PCDH11X: variants seen among roughly 807,000 people sequenced by gnomAD.
PCDH11X encodes protocadherin 11 X-linked, also known as protocadherin-11 X-linked.
Under a neutral mutation model 53.3 loss-of-function variants are expected in PCDH11X, and 18 were observed. The observed-to-expected ratio is 0.34, with a 90% CI of 0.23 to 0.50. PCDH11X has a LOEUF of 0.50. PCDH11X is among the 20% of genes least tolerant of loss of function. The pLI is 0.98. For synonymous variants in PCDH11X, 279 were observed against 393.3 expected, an observed-to-expected ratio of 0.71 and a Z score of 3.44; for missense variants, 570 against 1,032.4, an observed-to-expected ratio of 0.55 and a Z score of 6.14.
At chrX:92,010,002 G>A (rs2062664089) in intron 6 of PCDH11X, among the ~76,000 whole-genome samples, 1 of 110,676 alleles carries the variant, frequency 9.0e-6, no homozygotes, top group African/African-American at 3.3e-5. Context: ...ACCTCGCCTG[G>A]CCTGTTGCAT....
In PCDH11X at chrX:92,619,646, G is replaced by A. The variant is rs927463296; in HGVS notation, c.*706G>A. The A allele has an allele frequency of 9.1e-6, 1 of 109,502 alleles. No homozygotes were observed. The highest frequency in any genetic ancestry group is 3.3e-5 in the African/African-American group (1 of 29,862). 9.0% of individuals were successfully genotyped at this position (109,502 alleles called of 1,213,427 possible). On this transcript the variant is annotated 3_prime_UTR_variant, in exon 11 of 11. Transcript: ENST00000682573. The stretch of plus-strand genomic sequence containing the variant: ...ATTTCTCTACTCTTTAGTAGAGTTC[G>A]AGACACAGAAGTGCAATAACTGCCC...
intron 6 of PCDH11X, among the ~76,000 whole-genome samples, chrX:92,124,831 G>A (rs1344234347): frequency 9.0e-6 from 1 of 110,599 alleles, no homozygotes; most frequent in Non-Finnish European, 1.9e-5. Flanking sequence ...AGTCCAATTT[G>A]TGATCTCTGA....
At chrX:92,208,080 A>G (rs1337078277) in intron 7 of PCDH11X, among the ~76,000 whole-genome samples, 4 of 108,226 alleles carry the variant, frequency 3.7e-5, no homozygotes, top group Admixed American at 1.0e-4. Flanking sequence ...CTGCAATCCC[A>G]GCTACTCAGC....
chrX:92,255,893 C>G (rs1358130330), intron 7 of PCDH11X, among the ~76,000 whole-genome samples: 1 of 112,533 alleles, frequency 8.9e-6, no homozygotes. Context: ...TTTTGTTTGT[C>G]TATGCCCTGC....
At chrX:91,821,009 T>A (rs1471453361) in intron 4 of PCDH11X, among the ~76,000 whole-genome samples, 2 of 107,850 alleles carry the variant, frequency 1.9e-5, no homozygotes, top group Non-Finnish European at 3.8e-5. Context: ...TTCTGAGGGC[T>A]CTGTTCTGTT....
intron 10 of PCDH11X, among the ~76,000 whole-genome samples, chrX:92,588,692 G>T (rs78967503): frequency 0.02 from 2,186 of 109,432 alleles, 63 homozygotes; most frequent in African/African-American, 0.068. Flanking sequence ...CACATGTAAG[G>T]GGTATTGGCC....
At chrX:91,902,394 A>C (rs1459339350) in intron 6 of PCDH11X, among the ~76,000 whole-genome samples, 1 of 108,453 alleles carries the variant, frequency 9.2e-6, no homozygotes, top group Non-Finnish European at 1.9e-5. Flanking sequence ...CTCCTTTTGA[A>C]GTTCTATTTT....
intron 6 of PCDH11X, among the ~76,000 whole-genome samples, chrX:92,137,785 G>C (rs1603026388): frequency 9.2e-6 from 1 of 109,044 alleles, no homozygotes; most frequent in Non-Finnish European, 1.9e-5. Context: ...TCATATAAAT[G>C]AAATAATATA....
intron 6 of PCDH11X, among the ~76,000 whole-genome samples, chrX:92,021,319 A>G (rs1273823150): frequency 9.4e-6 from 1 of 106,194 alleles, no homozygotes; most frequent in Non-Finnish European, 1.9e-5. Context: ...TACAGAGAGA[A>G]ACATAAATGA....
intron 9 of PCDH11X, among the ~76,000 whole-genome samples, chrX:92,426,686 TATG>T (rs1176312242): frequency 9.1e-6 from 1 of 110,026 alleles, no homozygotes; most frequent in Non-Finnish European, 1.9e-5. Flanking sequence ...AATTTGAAAA[TATG>T]ATGAAATGGC....
At chrX:91,804,244 T>G (rs986357932) in intron 1 of PCDH11X, among the ~76,000 whole-genome samples, 9 of 111,808 alleles carry the variant, frequency 8.0e-5, no homozygotes, top group Non-Finnish European at 1.7e-4. Flanking sequence ...AATGGAAATT[T>G]TTTTTGGTCA....
At chrX:92,368,301 T>G (rs1366727622) in intron 8 of PCDH11X, among the ~76,000 whole-genome samples, 1 of 111,718 alleles carries the variant, frequency 9.0e-6, no homozygotes, top group Non-Finnish European at 1.9e-5. Context: ...TTGATACTTG[T>G]GTATGGTTCA....
chrX:92,284,393 A>G (rs2068315677), intron 8 of PCDH11X, among the ~76,000 whole-genome samples: 1 of 111,257 alleles, frequency 9.0e-6, no homozygotes, highest in African/African-American at 3.3e-5. Flanking sequence ...ATAAATTACT[A>G]TTTGCTTTTT....
At chrX:91,920,917 A>G (rs994914733) in intron 6 of PCDH11X, among the ~76,000 whole-genome samples, 1 of 111,180 alleles carries the variant, frequency 9.0e-6, no homozygotes, top group African/African-American at 3.3e-5. Context: ...AGTTATACTA[A>G]TTAGTGTATA....
intron 9 of PCDH11X, among the ~76,000 whole-genome samples, chrX:92,431,044 T>C (rs1166325004): frequency 1.8e-5 from 2 of 111,084 alleles, no homozygotes; most frequent in Non-Finnish European, 3.8e-5. Context: ...CTTCCTTTTC[T>C]TTTTTTAAAA....
chrX:92,349,929 T>C (rs1371231473), intron 8 of PCDH11X, among the ~76,000 whole-genome samples: 1 of 108,355 alleles, frequency 9.2e-6, no homozygotes, highest in Non-Finnish European at 1.9e-5. Flanking sequence ...CTTAAGATAG[T>C]TTCAATTTAG....
At chrX:91,977,357 C>T (rs1192535328) in intron 6 of PCDH11X, among the ~76,000 whole-genome samples, 1 of 111,868 alleles carries the variant, frequency 8.9e-6, no homozygotes, top group Non-Finnish European at 1.9e-5. Context: ...ACAAATAAAC[C>T]AGCTTCTGAC....
chrX:92,244,972 C>T (rs192377359), intron 7 of PCDH11X, among the ~76,000 whole-genome samples: 10 of 111,724 alleles, frequency 9.0e-5, no homozygotes, highest in African/African-American at 2.3e-4. Context: ...AGCTCTGGTG[C>T]GAATAAACTC....
chrX:92,041,386 T>A (rs2063207079), intron 6 of PCDH11X, among the ~76,000 whole-genome samples: 1 of 111,898 alleles, frequency 8.9e-6, no homozygotes, highest in Non-Finnish European at 1.9e-5. Flanking sequence ...AGAGAGTTTT[T>A]GTGTTTCAGT....
Sources: gnomAD v4.1 joint callset for allele counts (sites outside exome capture counted in the v4.1 genomes callset) on GRCh38, gnomAD v4.1.1 for gene constraint, MANE v1.5 for transcripts, NCBI Gene and HGNC (gene_info 2026-07-23, HGNC 2026-07-21) for gene names.